CROCC: variants seen among roughly 807,000 people sequenced by gnomAD.
The protein encoded by CROCC is rootletin.
Under a neutral mutation model 245.2 loss-of-function variants are expected in CROCC, and 180 were observed. The ratio of observed to expected loss-of-function variants is 0.73; its 90% confidence interval spans 0.65 to 0.83. CROCC has a LOEUF of 0.83. CROCC is among the 40% of genes least tolerant of loss of function. CROCC has a pLI of 0.00. For synonymous variants in CROCC, 1,205 were observed against 1,241.6 expected (o/e 0.97, Z 0.62); for missense variants, 2,688 against 2,779.4 (o/e 0.97, Z 0.74).
At chr1:16,963,376 G>A (rs1394054565) in intron 27 of CROCC, among the ~76,000 whole-genome samples, 1 of 151,808 alleles carries the variant, frequency 6.6e-6, no homozygotes, top group Non-Finnish European at 1.5e-5. Flanking sequence ...GCAGGGGCCA[G>A]CAGTCCCAGA....
chr1:16,965,447 G>T (rs1453321479), intron 27 of CROCC, among the ~76,000 whole-genome samples: 1 of 152,224 alleles, frequency 6.6e-6, no homozygotes, highest in East Asian at 1.9e-4. Context: ...TAAAGGATGG[G>T]CCAGGCAAAG....
chr1:16,924,577 C>A, intron 3 of CROCC, 98 bp downstream of exon 3: 1 of 1,484,474 alleles, frequency 6.7e-7, no homozygotes, highest in Non-Finnish European at 9.1e-7. Flanking sequence ...AAAGATGGGC[C>A]CTGGAGTCAG....
intron 20 of CROCC, 141 bp downstream of exon 20, chr1:16,951,263 G>A: frequency 1.4e-6 from 1 of 716,372 alleles, no homozygotes; most frequent in Non-Finnish European, 2.1e-6. Flanking sequence ...AGGACTGGGG[G>A]GATGGGGAGG....
chr1:16,923,711 C>G (rs1288398573), intron 2 of CROCC, among the ~76,000 whole-genome samples: 1 of 132,522 alleles, frequency 7.5e-6, no homozygotes, highest in Non-Finnish European at 1.5e-5. Flanking sequence ...GACAGAGTCT[C>G]GCTGTGTTGC....
chr1:16,942,767 G>GTT (rs1453721062), intron 13 of CROCC, among the ~76,000 whole-genome samples: 1 of 152,280 alleles, frequency 6.6e-6, no homozygotes, highest in Non-Finnish European at 1.5e-5. Context: ...AAGCAGTTGT[G>GTT]TTCACAGCAA....
Position 16,930,348 on chromosome 1 carries a change from G to A in CROCC, c.683+1G>A. 1 of 1,610,740 alleles carries A rather than the reference G, an allele frequency of 6.2e-7. No homozygotes were observed. Among genetic ancestry groups the A allele is most frequent in the Non-Finnish European group, 8.5e-7 (1 of 1,179,416 alleles). On this transcript the variant is annotated splice_donor_variant, in intron 6 of 36. Coordinates refer to ENST00000375541, the MANE Select transcript of CROCC (RefSeq NM_014675.5). LOFTEE classifies it high-confidence loss of function. ...TCCGGCTGGAGGAGGAGCAGCAGAG[G>A]TGAGGGCGCAGCAGGGAGGGCCAGG...
chr1:16,939,132 T>G lies in CROCC; in HGVS notation c.1598T>G (p.Leu533Arg). 2.6e-6 allele frequency: 4 copies of G among 1,519,494 alleles called. No homozygotes were observed. The highest frequency in any genetic ancestry group is 3.5e-6 in the Non-Finnish European group (4 of 1,144,966). 94.1% of individuals were successfully genotyped at this position (1,519,494 alleles called of 1,614,324 possible). ...LIHSALHKRQ[L>R]QVQDMRGRYE... ...CACTCCGCCCTGCACAAGCGCCAGC[T>G]GCAGGTCCAGGTAGGAAGGGGCTTG... The change falls in exon 12 of 37, where the codon CTG becomes CGG. Residue 533 changes from leucine (L) to arginine (R), a missense_variant. Around this residue, in one of 9 missense-constraint regions of CROCC, gnomAD observed 972 missense variants for 895.3 expected, o/e 1.09. Coordinates refer to ENST00000375541, the MANE Select transcript of CROCC (RefSeq NM_014675.5).
chr1:16,970,390 G>A lies in CROCC; in HGVS notation c.5589G>A (p.Glu1863=). Residue 1863 remains glutamate (E), a synonymous_variant, in exon 34 of 37, where the codon GAG becomes GAA. Coordinates refer to ENST00000375541, the MANE Select transcript of CROCC (RefSeq NM_014675.5). ...CTCAGCTGGAAGCTGAGAAGCGGGA[G>A]GTGGAGCGCTCAGCCCTGCGGCTGG... ...ALAQLEAEKR[E]VERSALRLEK... is the part of the protein sequence containing the mutation. 6.2e-7 allele frequency: 1 copy of A among 1,605,306 alleles called. No homozygotes were observed. The highest frequency in any genetic ancestry group is 8.5e-7 in the Non-Finnish European group (1 of 1,176,574).
intron 3 of CROCC, among the ~76,000 whole-genome samples, chr1:16,929,071 C>T (rs34925875): frequency 0.11 from 16,265 of 149,396 alleles, 256 homozygotes; most frequent in African/African-American, 0.17. Context: ...AAGTGATCTA[C>T]CCGCCTTGAC....
intron 13 of CROCC, among the ~76,000 whole-genome samples, chr1:16,940,319 G>A (rs1248643026): frequency 6.6e-6 from 1 of 152,202 alleles, no homozygotes; most frequent in Non-Finnish European, 1.5e-5. Flanking sequence ...CGCCTCCTGG[G>A]TTCACGCCAT....
At chr1:16,924,761 C>T (rs1570586644) in intron 3 of CROCC, among the ~76,000 whole-genome samples, 1 of 152,388 alleles carries the variant, frequency 6.6e-6, no homozygotes, top group South Asian at 2.1e-4. Context: ...CCCATCTGTC[C>T]CAGGCCTGTT....
At chr1:16,947,720 G>A (rs2076081154) in intron 17 of CROCC, among the ~76,000 whole-genome samples, 1 of 152,358 alleles carries the variant, frequency 6.6e-6, no homozygotes, top group Non-Finnish European at 1.5e-5. Context: ...CCGAGCAGCT[G>A]CACTTGGGTC....
chr1:16,950,566 C>T (rs1387244245), intron 19 of CROCC, among the ~76,000 whole-genome samples: 1 of 152,214 alleles, frequency 6.6e-6, no homozygotes, highest in Non-Finnish European at 1.5e-5. Context: ...CCATGTTGGC[C>T]AGGTTGGTCT....
rs752864946 is a variant in CROCC, at chr1:16,930,141, G to T, written c.555G>T (p.Lys185Asn). ...RLQGKILQYK[K>N]RCSELEQQLL... ...ATCCCCAGATTCTCCAGTACAAGAA[G>T]AGGTGCTCGGAGCTGGAGCAGCAGC... Residue 185 changes from lysine to asparagine, a missense_variant, in exon 5 of 37, where the codon AAG becomes AAT. Transcript: ENST00000375541. 1 of 1,594,364 alleles carries T rather than the reference G, an allele frequency of 6.3e-7. No homozygotes were observed. Among genetic ancestry groups the T allele is most frequent in the Non-Finnish European group, 8.5e-7 (1 of 1,171,032 alleles).
intron 25 of CROCC, 145 bp from the exon 26 acceptor site, chr1:16,958,438 G>T: frequency 2.0e-6 from 2 of 986,556 alleles, no homozygotes; most frequent in South Asian, 3.3e-5. Flanking sequence ...GTTCAGTGTG[G>T]TTGTGTAGGG....
intron 17 of CROCC, among the ~76,000 whole-genome samples, chr1:16,947,723 C>T (rs1162745780): frequency 6.6e-5 from 10 of 152,218 alleles, no homozygotes; most frequent in African/African-American, 1.2e-4. Context: ...AGCAGCTGCA[C>T]TTGGGTCTGG....
At chr1:16,923,768 C>T (rs2075465257) in intron 2 of CROCC, among the ~76,000 whole-genome samples, 1 of 151,218 alleles carries the variant, frequency 6.6e-6, no homozygotes, top group South Asian at 2.1e-4. Flanking sequence ...GCAACCTCCA[C>T]CTCCCCGGTT....
At chr1:16,970,474 T>A in intron 34 of CROCC, 21 bp downstream of exon 34, 1 of 1,542,894 alleles carries the variant, frequency 6.5e-7, no homozygotes, top group Non-Finnish European at 8.8e-7. Context: ...CCCCAGGCTC[T>A]CCCCTCACTT....
At chr1:16,958,507 A>G (rs762310074) in intron 25 of CROCC, 76 bp from the exon 26 acceptor site, 31 of 1,511,208 alleles carry the variant, frequency 2.1e-5, no homozygotes, top group Non-Finnish European at 2.6e-5. Flanking sequence ...AGCAGTAGGT[A>G]CCAAGTGGCC....
Sources: gnomAD v4.1 joint callset for allele counts (sites outside exome capture counted in the v4.1 genomes callset) on GRCh38, gnomAD v4.1.1 for gene constraint, gnomAD v4.1.1 regional missense constraint, MANE v1.5 for transcripts, NCBI Gene and HGNC (gene_info 2026-07-23, HGNC 2026-07-21) for gene names.